The following TMEM108 variants were observed in gnomAD, a reference collection of about 807,000 sequenced individuals.
TMEM108 encodes cancer/testis antigen 124.
TMEM108 carries 12 observed loss-of-function variants against 35.1 expected under a neutral mutation model. The ratio of observed to expected loss-of-function variants is 0.34; its 90% CI spans 0.22 to 0.55. The LOEUF (loss-of-function observed/expected upper bound fraction) is 0.55. TMEM108 is among the 20% of genes least tolerant of loss of function. The pLI is 0.89. For missense variants in TMEM108, 680 were observed against 753.3 expected (o/e 0.90, Z 1.14); for synonymous variants, 287 against 308.6 (o/e 0.93, Z 0.73).
chr3:133,083,852 A>G (rs1270754797), intron 2 of TMEM108, among the ~76,000 whole-genome samples: 2 of 151,192 alleles, frequency 1.3e-5, no homozygotes, highest in African/African-American at 2.4e-5. Context: ...TTTCTCCTCC[A>G]TAGGGGCTAG....
At chr3:133,232,368 T>C (rs1485977720) in intron 3 of TMEM108, among the ~76,000 whole-genome samples, 5 of 152,118 alleles carry the variant, frequency 3.3e-5, no homozygotes, top group Admixed American at 6.6e-5. Flanking sequence ...CTACCTTGCA[T>C]CCACTCACTC....
chr3:133,378,017 C>T (rs1012449823), intron 3 of TMEM108, among the ~76,000 whole-genome samples: 13 of 152,126 alleles, frequency 8.5e-5, no homozygotes, highest in African/African-American at 3.1e-4. Context: ...AACTCCAGTC[C>T]ATGGAAAAAC....
intron 3 of TMEM108, among the ~76,000 whole-genome samples, chr3:133,238,804 C>T (rs2107658876): frequency 6.6e-6 from 1 of 152,066 alleles, no homozygotes; most frequent in East Asian, 1.9e-4. Flanking sequence ...GTATTTAGGT[C>T]CAAACAAATT....
At chr3:133,145,276 A>G (rs529745063) in intron 2 of TMEM108, among the ~76,000 whole-genome samples, 1 of 152,128 alleles carries the variant, frequency 6.6e-6, no homozygotes, top group East Asian at 1.9e-4. Context: ...ATGGTTGTAG[A>G]TGTGTGGTGT....
chr3:133,177,900 A>T lies in TMEM108; in HGVS notation c.-46-51366A>T, dbSNP rs373457106. ...CCCTGTTTGCAGATGACATGATTGT[A>T]TATCTAGAAAACCCCATCGTCTCAG... On this transcript the variant is annotated intron_variant, in intron 2 of 5. Coordinates refer to ENST00000321871, the MANE Select transcript of TMEM108 (RefSeq NM_023943.4). 8.5e-5 allele frequency among the ~76,000 whole-genome samples: 13 copies of T among 152,300 alleles called. 1 individual carries two copies. In the South Asian group the frequency reaches 2.7e-3, roughly 32 times the overall value.
chr3:133,131,822 A>T (rs1375102738), intron 2 of TMEM108, among the ~76,000 whole-genome samples: 1 of 152,138 alleles, frequency 6.6e-6, no homozygotes, highest in East Asian at 1.9e-4. Context: ...CAGTTAACAC[A>T]CAAATGATAA....
At chr3:133,134,751 G>T (rs985406758) in intron 2 of TMEM108, among the ~76,000 whole-genome samples, 1 of 151,994 alleles carries the variant, frequency 6.6e-6, no homozygotes, top group Non-Finnish European at 1.5e-5. Context: ...TACTCAGCAG[G>T]TATTTTTTCA....
At chr3:133,381,890 T>C (rs546287864) in intron 4 of TMEM108, among the ~76,000 whole-genome samples, 1 of 152,154 alleles carries the variant, frequency 6.6e-6, no homozygotes, top group East Asian at 1.9e-4. Flanking sequence ...TCGTAGGTGA[T>C]GTGAGCTGAT....
intron 3 of TMEM108, among the ~76,000 whole-genome samples, chr3:133,320,321 T>C (rs2071250663): frequency 1.3e-5 from 2 of 150,018 alleles, no homozygotes; most frequent in African/African-American, 2.4e-5. Context: ...GAAATAGCTA[T>C]CATAAAGAAA....
At chr3:133,088,720 G>A (rs1233454107) in intron 2 of TMEM108, among the ~76,000 whole-genome samples, 3 of 152,082 alleles carry the variant, frequency 2.0e-5, no homozygotes, top group African/African-American at 7.2e-5. Context: ...CATTTGAATC[G>A]CTGCTTGCTA....
intron 2 of TMEM108, among the ~76,000 whole-genome samples, chr3:133,127,322 A>G (rs551496665): frequency 6.6e-6 from 1 of 152,262 alleles, no homozygotes; most frequent in East Asian, 1.9e-4. Flanking sequence ...GCACTCAGTA[A>G]CCCCCTGTGG....
intron 3 of TMEM108, among the ~76,000 whole-genome samples, chr3:133,348,683 G>GGCATGGTGTATGGTGTAGTTGCCAAA (rs1404998387): frequency 6.6e-6 from 1 of 152,132 alleles, no homozygotes; most frequent in East Asian, 1.9e-4. Context: ...TGTAGGGTGA[G>GGCATGGTGTATGGTGTAGTTGCCAAA]GCAACTCCCT....
At chr3:133,244,407 G>T (rs559069666) in intron 3 of TMEM108, among the ~76,000 whole-genome samples, 1 of 152,018 alleles carries the variant, frequency 6.6e-6, no homozygotes. Context: ...CTATGAACCC[G>T]TCCTAAGTCT....
At chr3:133,205,418 G>T (rs2107832730) in intron 2 of TMEM108, among the ~76,000 whole-genome samples, 1 of 152,222 alleles carries the variant, frequency 6.6e-6, no homozygotes, top group South Asian at 2.1e-4. Context: ...TTATAATTTG[G>T]TATGTTTTTG....
chr3:133,237,299 C>T (rs1946252588), intron 3 of TMEM108, among the ~76,000 whole-genome samples: 1 of 152,088 alleles, frequency 6.6e-6, no homozygotes. Context: ...ACCCTGGATG[C>T]ATTTGGATAC....
chr3:133,392,288 A>G (rs980250722), intron 5 of TMEM108, among the ~76,000 whole-genome samples: 1 of 150,920 alleles, frequency 6.6e-6, no homozygotes, highest in Non-Finnish European at 1.5e-5. Flanking sequence ...TCAGCCTCCC[A>G]AGTAGCTGGG....
intron 2 of TMEM108, among the ~76,000 whole-genome samples, chr3:133,073,510 C>CTATATATATA (rs1183039173): frequency 9.6e-4 from 42 of 43,872 alleles, no homozygotes; most frequent in African/African-American, 1.2e-3. Context: ...CTCTCTCTCT[C>CTATATATATA]TATATATATA....
At chr3:133,248,568 G>T (rs1447583484) in intron 3 of TMEM108, 2 of 152,174 alleles carry the variant, frequency 1.3e-5, no homozygotes, top group Non-Finnish European at 2.9e-5. Context: ...AGCAGCTTTA[G>T]TAGTTGGTCT....
At chr3:133,129,359 C>A (rs367710851) in intron 2 of TMEM108, among the ~76,000 whole-genome samples, 37 of 123,074 alleles carry the variant, frequency 3.0e-4, no homozygotes, top group South Asian at 1.8e-3. Context: ...CCCCCCCCCC[C>A]AAAAAAAAAT....
Sources: allele counts gnomAD v4.1 joint callset (sites outside exome capture counted in the v4.1 genomes callset), GRCh38; gene constraint gnomAD v4.1.1; transcripts MANE v1.5; gene names NCBI Gene and HGNC (gene_info 2026-07-23, HGNC 2026-07-21).